The following COLEC12 variants were observed in gnomAD, a reference collection of about 807,000 sequenced individuals.
COLEC12 encodes the protein collectin subfamily member 12.
A neutral mutation model predicts 71.1 loss-of-function variants in COLEC12; 33 were observed. The observed-to-expected ratio is 0.46, with a 90% CI of 0.35 to 0.62. COLEC12 has a LOEUF of 0.62. Ranked by LOEUF, COLEC12 falls within the 20% of genes least tolerant of loss-of-function variation. The pLI, the probability that COLEC12 is intolerant of heterozygous loss-of-function variation, is 0.00. For synonymous variants in COLEC12, 350 were observed against 353.0 expected, an observed-to-expected ratio of 0.99 and a Z score of 0.10; for missense variants, 765 against 916.1, an observed-to-expected ratio of 0.84 and a Z score of 2.13.
intron 2 of COLEC12, among the ~76,000 whole-genome samples, chr18:425,959 T>A (rs1916191310): frequency 6.6e-6 from 1 of 152,174 alleles, no homozygotes; most frequent in African/African-American, 2.4e-5. Context: ...CCAAATATTT[T>A]CCCACATCAC....
intron 2 of COLEC12, among the ~76,000 whole-genome samples, chr18:385,248 C>T (rs1915318726): frequency 6.6e-6 from 1 of 151,482 alleles, no homozygotes; most frequent in Non-Finnish European, 1.5e-5. Flanking sequence ...TCTTTACAGG[C>T]ACAACATAGC....
chr18:421,536 A>G (rs1598358087), intron 2 of COLEC12, among the ~76,000 whole-genome samples: 2 of 152,322 alleles, frequency 1.3e-5, no homozygotes, highest in Non-Finnish European at 2.9e-5. Flanking sequence ...AGAAATATGA[A>G]TGTGTAATTA....
chr18:326,984 T>C (rs1913859926), intron 8 of COLEC12, among the ~76,000 whole-genome samples: 1 of 152,160 alleles, frequency 6.6e-6, no homozygotes. Context: ...GACTGCTCAC[T>C]CATACTGCTG....
chr18:416,222 A>AT (rs1490140330), intron 2 of COLEC12, among the ~76,000 whole-genome samples: 3 of 152,214 alleles, frequency 2.0e-5, no homozygotes, highest in Non-Finnish European at 4.4e-5. Context: ...AAAAAAATTC[A>AT]TTTTGGGGAT....
intron 2 of COLEC12, among the ~76,000 whole-genome samples, chr18:407,210 T>G (rs1915808249): frequency 6.6e-6 from 1 of 152,220 alleles, no homozygotes; most frequent in Admixed American, 6.5e-5. Context: ...TCTCTAGGGA[T>G]ATAAAATATG....
intron 2 of COLEC12, among the ~76,000 whole-genome samples, chr18:396,769 C>T (rs1423374363): frequency 6.6e-6 from 1 of 152,230 alleles, no homozygotes; most frequent in Non-Finnish European, 1.5e-5. Context: ...CCTTTTCTTT[C>T]CAGAAACCTT....
At chr18:349,810 T>A (rs1914468791) in intron 3 of COLEC12, among the ~76,000 whole-genome samples, 2 of 152,222 alleles carry the variant, frequency 1.3e-5, no homozygotes, top group African/African-American at 4.8e-5. Flanking sequence ...CCTGCTGACT[T>A]TGAACTTGCA....
intron 4 of COLEC12, among the ~76,000 whole-genome samples, chr18:347,706 A>C (rs1914416426): frequency 1.3e-5 from 2 of 152,186 alleles, no homozygotes; most frequent in Non-Finnish European, 2.9e-5. Flanking sequence ...AGGATCTTTC[A>C]CTTTATAACT....
chr18:394,168 T>C (rs1323188894), intron 2 of COLEC12, among the ~76,000 whole-genome samples: 2 of 152,174 alleles, frequency 1.3e-5, no homozygotes, highest in East Asian at 1.9e-4. Flanking sequence ...AGAAAAGCAA[T>C]TGAGTAAAGT....
At chr18:359,048 A>G (rs953308350) in intron 2 of COLEC12, among the ~76,000 whole-genome samples, 1 of 152,208 alleles carries the variant, frequency 6.6e-6, no homozygotes, top group Non-Finnish European at 1.5e-5. Flanking sequence ...TAAACATTCA[A>G]ATTTACTTAT....
intron 1 of COLEC12, among the ~76,000 whole-genome samples, chr18:484,629 T>A (rs1237714137): frequency 6.6e-6 from 1 of 152,096 alleles, no homozygotes; most frequent in Non-Finnish European, 1.5e-5. Flanking sequence ...GCATATTACA[T>A]CCCTTTCTTG....
At chr18:414,173 G>A (rs11664014) in intron 2 of COLEC12, among the ~76,000 whole-genome samples, 49,093 of 152,162 alleles carry the variant, frequency 0.32, 8,494 homozygotes, top group South Asian at 0.55. Flanking sequence ...ATTATTTCTT[G>A]CAACTGCATG....
intron 5 of COLEC12, among the ~76,000 whole-genome samples, chr18:341,161 G>C (rs1311657879): frequency 6.6e-6 from 1 of 152,194 alleles, no homozygotes; most frequent in Non-Finnish European, 1.5e-5. Flanking sequence ...TTGCTCTGCT[G>C]TCAGTAAACT....
intron 2 of COLEC12, among the ~76,000 whole-genome samples, chr18:449,151 A>T (rs114276477): frequency 0.011 from 1,731 of 152,274 alleles, 34 homozygotes; most frequent in African/African-American, 0.039. Flanking sequence ...GGTAGAATAC[A>T]TACCTTTTTA....
At chr18:477,399 T>C (rs1242771989) in intron 2 of COLEC12, among the ~76,000 whole-genome samples, 1 of 152,028 alleles carries the variant, frequency 6.6e-6, no homozygotes, top group African/African-American at 2.4e-5. Context: ...GTAGTCTAAA[T>C]TCGGGTTGTG....
At chr18:499,585 T>C (rs963943928) in intron 1 of COLEC12, among the ~76,000 whole-genome samples, 9 of 152,198 alleles carry the variant, frequency 5.9e-5, no homozygotes, top group Admixed American at 3.9e-4. Flanking sequence ...GGCTGTGTTA[T>C]CCTAGCACAG....
At chr18:473,173 T>G (rs2621195) in intron 2 of COLEC12, among the ~76,000 whole-genome samples, 79,915 of 151,820 alleles carry the variant, frequency 0.53, 21,157 homozygotes, top group South Asian at 0.67. Context: ...AAAGACTTGC[T>G]TCCTGGGCAC....
chr18:442,786 CCT>C (rs1433278471), intron 2 of COLEC12, among the ~76,000 whole-genome samples: 1 of 152,184 alleles, frequency 6.6e-6, no homozygotes, highest in African/African-American at 2.4e-5. Context: ...ACGGTGAAAC[CCT>C]GTCTCTATTA....
chr18:345,024 C>G (rs1442495660), intron 5 of COLEC12, among the ~76,000 whole-genome samples: 1 of 152,240 alleles, frequency 6.6e-6, no homozygotes. Context: ...GATTATTAGA[C>G]CAGTGTGGGG....
Sources: gnomAD v4.1 joint callset for allele counts (sites outside exome capture counted in the v4.1 genomes callset) on GRCh38, gnomAD v4.1.1 for gene constraint, MANE v1.5 for transcripts, NCBI Gene and HGNC (gene_info 2026-07-23, HGNC 2026-07-21) for gene names.